The following DISP3 variants were observed in gnomAD, a reference collection of about 807,000 sequenced individuals.
DISP3 encodes protein dispatched homolog 3.
A neutral mutation model predicts 135.3 loss-of-function variants in DISP3; 101 were observed. That is an observed-to-expected ratio of 0.75 (90% CI 0.64 to 0.88). DISP3 has a LOEUF of 0.88. Among genes scored for constraint, DISP3 ranks in the 40% least tolerant of loss-of-function variants. The pLI is 0.00. For synonymous variants in DISP3, 856 were observed against 817.0 expected (o/e 1.05, Z -0.81); for missense variants, 1,713 against 1,878.6 (o/e 0.91, Z 1.63).
intron 13 of DISP3, among the ~76,000 whole-genome samples, chr1:11,527,876 C>T (rs974825468): frequency 1.3e-5 from 2 of 152,166 alleles, no homozygotes; most frequent in Non-Finnish European, 2.9e-5. Context: ...CTCCAAGTGC[C>T]ACATCCAGCC....
Position 11,529,878 on chromosome 1 carries a change from C to CG in DISP3, c.3025dup (p.Ala1009GlyfsTer28). On this transcript the variant is annotated frameshift_variant, in exon 15 of 21. Coordinates refer to ENST00000294484, the MANE Select transcript of DISP3 (RefSeq NM_020780.2). LOFTEE classifies it high-confidence loss of function. This position sits in a 1 kb window ranked among gnomAD's most constrained non-coding sequence, Gnocchi z 4.7. ...CGGCGGTGCGGCCACTAGTGGATACCGGGGCCATGGTCTTTGTGGTCTTCG... is the reference window on the plus strand; with the variant it reads ...CGGCGGTGCGGCCACTAGTGGATACCGGGGGCCATGGTCTTTGTGGTCTTCG... 6.2e-7 allele frequency: 1 copy of CG among 1,614,036 alleles called. No homozygotes were observed.
chr1:11,492,158 G>T (rs962360230), intron 1 of DISP3, among the ~76,000 whole-genome samples: 1 of 147,346 alleles, frequency 6.8e-6, no homozygotes, highest in Non-Finnish European at 1.5e-5. Flanking sequence ...GTTAATAATC[G>T]TACTAGCTGC....
In DISP3 at chr1:11,489,850, AT is replaced by A. The variant is rs1379946641; in HGVS notation, c.-4+10479del. Among the ~76,000 whole-genome samples the A allele has an allele frequency of 2.0e-5, 3 of 152,146 alleles. No homozygotes were observed. In the East Asian group the frequency reaches 5.8e-4, roughly 29 times the overall value. On this transcript the variant is annotated intron_variant, in intron 1 of 20. Coordinates refer to ENST00000294484, the MANE Select transcript of DISP3 (RefSeq NM_020780.2). The stretch of plus-strand genomic sequence containing the variant: ...CTTGAACTTGCAGCAAGATCCCAAG[AT>A]GAGATGCTGAGAGAATTGTTTTACA...
chr1:11,520,625 G>A lies in DISP3; in HGVS notation c.2201-62G>A. The A allele has an allele frequency of 6.4e-7, 1 of 1,554,812 alleles. No individual in the cohort carries two copies. The highest frequency in any genetic ancestry group is 1.8e-5 in the Admixed American group (1 of 55,866). ...AGCAGTTGTCTCCCGGCACTTTGGA[G>A]CCCCACTGGGAACAGACCAGCTGGG... On this transcript the variant is annotated intron_variant, in intron 9 of 20. Coordinates refer to ENST00000294484, the MANE Select transcript of DISP3 (RefSeq NM_020780.2). This position sits in a 1 kb window ranked among gnomAD's most constrained non-coding sequence, Gnocchi z 4.8.
chr1:11,495,316 G>A (rs34843061), intron 1 of DISP3, among the ~76,000 whole-genome samples: 71,556 of 151,992 alleles, frequency 0.47, 20,539 homozygotes, highest in Non-Finnish European at 0.64. Flanking sequence ...GCTTGAACCC[G>A]GGAGGTGGAG....
In DISP3 at chr1:11,529,543, A is replaced by G. The variant is rs2100509194; in HGVS notation, c.2799-13A>G. 1 of 1,544,080 alleles carries G rather than the reference A, an allele frequency of 6.5e-7. No homozygotes were observed. Among genetic ancestry groups the G allele is most frequent in the South Asian group, 1.2e-5 (1 of 82,492 alleles). On this transcript the variant is annotated splice_polypyrimidine_tract_variant and intron_variant, in intron 13 of 20. Transcript: ENST00000294484. The surrounding 1 kb of genome is among the most constrained non-coding windows in gnomAD (Gnocchi z 4.7). Reference sequence around the variant, plus strand: ...CCTTTCCGGCCTCAGCCCAGCCTCCATTCCCTCCACAGGAAGCTGTACTTC... The same window carrying G: ...CCTTTCCGGCCTCAGCCCAGCCTCCGTTCCCTCCACAGGAAGCTGTACTTC...
At chr1:11,512,097 C>A (rs1641871600) in intron 3 of DISP3, among the ~76,000 whole-genome samples, 2 of 152,184 alleles carry the variant, frequency 1.3e-5, no homozygotes, top group Non-Finnish European at 2.9e-5. Context: ...AATTCTTCCT[C>A]CTGGGCCTTC....
rs1388745486 is a variant in DISP3 at position 11,519,688 on chromosome 1, G to T, written c.2039-31G>T. ...TGGACCACAGTGGGCTTTGATTCAG[G>T]CTCTGACGGGCCACTGCTCTGCCCT... On this transcript the variant is annotated intron_variant, in intron 8 of 20. Transcript: ENST00000294484. The surrounding 1 kb of genome is among the most constrained non-coding windows in gnomAD (Gnocchi z 4.3). 6.2e-7 allele frequency: 1 copy of T among 1,604,000 alleles called. No individual in the cohort carries two copies. The highest frequency in any genetic ancestry group is 8.5e-7 in the Non-Finnish European group (1 of 1,174,710).
intron 6 of DISP3, 33 bp from the exon 7 acceptor site, chr1:11,517,430 G>A: frequency 6.2e-7 from 1 of 1,611,700 alleles, no homozygotes; most frequent in Non-Finnish European, 8.5e-7. Context: ...GGTCCAACCT[G>A]TCCCACATCC....
chr1:11,521,980 G>A (rs1642208527), intron 10 of DISP3, among the ~76,000 whole-genome samples: 1 of 152,148 alleles, frequency 6.6e-6, no homozygotes, highest in African/African-American at 2.4e-5. Flanking sequence ...GCTGAGAGCT[G>A]GTGGTGCTGG....
In DISP3 at chr1:11,501,480, A is replaced by T; in HGVS notation, c.488A>T (p.Asn163Ile). The change falls in exon 2 of 21, where the codon AAC becomes ATC. Residue 163 changes from asparagine (N) to isoleucine (I), a missense_variant. Coordinates refer to ENST00000294484, the MANE Select transcript of DISP3 (RefSeq NM_020780.2). This position sits in a 1 kb window ranked among gnomAD's most constrained non-coding sequence, Gnocchi z 4.9. ...SEQLQQLHLG[N>I]RSRQASRAPR... is the part of the protein sequence containing the mutation. The stretch of plus-strand genomic sequence containing the variant: ...CAGCTGCAGCAGCTGCATCTCGGCA[A>T]CCGCTCGCGGCAAGCCTCCCGAGCC... The T allele has an allele frequency of 1.9e-6, 3 of 1,605,472 alleles. No individual in the cohort carries two copies. Among genetic ancestry groups the T allele is most frequent in the Non-Finnish European group, 2.6e-6 (3 of 1,176,150 alleles).
chr1:11,495,298 C>T (rs576345560), intron 1 of DISP3, among the ~76,000 whole-genome samples: 48 of 152,100 alleles, frequency 3.2e-4, no homozygotes, highest in African/African-American at 1.1e-3. Context: ...GGCTGAGGCA[C>T]GAGAATCGCT....
Position 11,535,103 on chromosome 1 carries a change from C to T in DISP3, c.3628C>T (p.Pro1210Ser). ...VFTTHILLLLPVLLSILGIVC... is the reference protein window; with the variant it reads ...VFTTHILLLLSVLLSILGIVC... ...CACCACCCACATCCTGCTCCTGCTG[C>T]CCGTGCTCCTCAGCATCTTGGGTAC... The change falls in exon 19 of 21, where the codon CCC becomes TCC. Residue 1210 changes from proline to serine, a missense_variant. Around this residue, in one of 2 missense-constraint regions of DISP3, gnomAD observed 1,142 missense variants for 1,384.6 expected, o/e 0.82. Coordinates refer to ENST00000294484, the MANE Select transcript of DISP3 (RefSeq NM_020780.2). The T allele has an allele frequency of 1.2e-6, 2 of 1,608,008 alleles. No individual in the cohort carries two copies. Among genetic ancestry groups the T allele is most frequent in the South Asian group, 2.2e-5 (2 of 89,662 alleles).
At chr1:11,496,859 C>T (rs1461152070) in intron 1 of DISP3, among the ~76,000 whole-genome samples, 1 of 152,192 alleles carries the variant, frequency 6.6e-6, no homozygotes, top group Non-Finnish European at 1.5e-5. Flanking sequence ...TACCATCCCG[C>T]TCTGAGATAG....
At chr1:11,522,716 G>GACCCAGCCAGAGCCCAGCCAGA (rs1642257771) in intron 10 of DISP3, among the ~76,000 whole-genome samples, 4 of 48,644 alleles carry the variant, frequency 8.2e-5, no homozygotes, top group Admixed American at 4.8e-4. Context: ...ACCCAGCCAG[G>GACCCAGCCAGAGCCCAGCCAGA]GCCCAGCCAG....
intron 1 of DISP3, among the ~76,000 whole-genome samples, chr1:11,484,689 G>GAGGGAGCAGC (rs1640988938): frequency 6.6e-6 from 1 of 152,322 alleles, no homozygotes; most frequent in African/African-American, 2.4e-5. Flanking sequence ...GAACCTGCCA[G>GAGGGAGCAGC]TTTGGAAAAG....
rs945831861 is a variant in DISP3, at chr1:11,533,621, C to T, written c.3376-760C>T. 9.6e-6 allele frequency: 6 copies of T among 626,056 alleles called. No homozygotes were observed. The African/African-American group carries it at 1.1e-4, about 11-fold the overall frequency. 38.8% of individuals were successfully genotyped at this position (626,056 alleles called of 1,614,324 possible). A position where few individuals can be genotyped will look rare whatever the true frequency, so the allele number is the denominator to read the frequency against. Reference sequence around the variant, plus strand: ...TTGCAGCAAGTGTCAGAACTCACCTCCCTCTGCAGACTGAAGCCCCAGGCA... The same window carrying T: ...TTGCAGCAAGTGTCAGAACTCACCTTCCTCTGCAGACTGAAGCCCCAGGCA... On this transcript the variant is annotated intron_variant, in intron 17 of 20. Transcript: ENST00000294484.
rs115348620 is a variant in DISP3, at chr1:11,509,088, G to C, written c.1317-5302G>C. On this transcript the variant is annotated intron_variant, in intron 3 of 20. Coordinates refer to ENST00000294484, the MANE Select transcript of DISP3 (RefSeq NM_020780.2). The stretch of plus-strand genomic sequence containing the variant: ...CTATTTTAGCACATTTCAAAATTTT[G>C]ATGTGTTGTTTTCATTTTCATTCAG... Among the ~76,000 whole-genome samples the C allele has an allele frequency of 5.2e-3, 789 of 152,098 alleles. 5 individuals carry two copies. The highest frequency in any genetic ancestry group is 9.8e-3 in the Non-Finnish European group (665 of 67,966).
rs1570123209 is a variant in DISP3 at position 11,520,010 on chromosome 1, A to G, written c.2200+130A>G. 4 of 832,798 alleles carry G rather than the reference A, an allele frequency of 4.8e-6. No individual in the cohort carries two copies. The highest frequency in any genetic ancestry group is 7.2e-6 in the Non-Finnish European group (4 of 553,618). 51.6% of individuals were successfully genotyped at this position (832,798 alleles called of 1,614,324 possible). The stretch of plus-strand genomic sequence containing the variant: ...CTGGGCTGGGGTCTCTCCCTCTCTG[A>G]CCCCCCCTCTTTCCTGTGCAGAATG... On this transcript the variant is annotated intron_variant, in intron 9 of 20. Transcript: ENST00000294484. The surrounding 1 kb of genome is among the most constrained non-coding windows in gnomAD (Gnocchi z 4.8).
Sources: gnomAD v4.1 joint callset for allele counts (sites outside exome capture counted in the v4.1 genomes callset) on GRCh38, gnomAD v4.1.1 for gene constraint, gnomAD v4.1.1 regional missense constraint, Gnocchi (gnomAD v3.1) non-coding constraint, MANE v1.5 for transcripts, NCBI Gene and HGNC (gene_info 2026-07-23, HGNC 2026-07-21) for gene names.